PLS1: variants seen among roughly 807,000 people sequenced by gnomAD.
PLS1 encodes the protein plastin 1.
In PLS1, 32 loss-of-function variants were observed where a neutral mutation model predicts 73.7. The ratio of observed to expected loss-of-function variants is 0.43; its 90% CI spans 0.33 to 0.58. The LOEUF (loss-of-function observed/expected upper bound fraction) is 0.58, where lower values mean the gene tolerates loss of function less well. Among genes scored for constraint, PLS1 ranks in the 20% least tolerant of loss-of-function variants. The pLI is 0.04. For missense variants in PLS1, 633 were observed against 740.5 expected (o/e 0.85, Z 1.68); for synonymous variants, 217 against 261.3 (o/e 0.83, Z 1.63).
intron 1 of PLS1, among the ~76,000 whole-genome samples, chr3:142,652,291 TAA>T (rs2037112572): frequency 6.6e-6 from 1 of 152,254 alleles, no homozygotes; most frequent in Non-Finnish European, 1.5e-5. Context: ...TACTGGGGAC[TAA>T]GTCATTCCCT....
intron 1 of PLS1, among the ~76,000 whole-genome samples, chr3:142,661,569 A>G (rs1232769547): frequency 6.6e-6 from 1 of 152,220 alleles, no homozygotes; most frequent in Non-Finnish European, 1.5e-5. Flanking sequence ...TTCAATGATC[A>G]ATGAAATTTC....
chr3:142,695,787 TA>T (rs1691688194), intron 11 of PLS1, among the ~76,000 whole-genome samples: 2 of 145,090 alleles, frequency 1.4e-5, no homozygotes, highest in Admixed American at 1.3e-4. Flanking sequence ...TTTATTTATT[TA>T]TTTATTTATT....
chr3:142,628,343 G>A (rs1160748980), intron 1 of PLS1, among the ~76,000 whole-genome samples: 2 of 30,574 alleles, frequency 6.5e-5, no homozygotes, highest in Non-Finnish European at 1.3e-4. Context: ...GTGTGTGTGC[G>A]CGCACATGTG....
chr3:142,705,104 G>T (rs2038431391), intron 14 of PLS1, among the ~76,000 whole-genome samples: 1 of 151,946 alleles, frequency 6.6e-6, no homozygotes, highest in African/African-American at 2.4e-5. Context: ...CTAAATTTTT[G>T]ATTGGTTGTC....
chr3:142,661,357 AC>A (rs1377188140), intron 1 of PLS1, among the ~76,000 whole-genome samples: 1 of 152,178 alleles, frequency 6.6e-6, no homozygotes, highest in African/African-American at 2.4e-5. Flanking sequence ...TTTTTAAAAA[AC>A]AATGTAGAAT....
At chr3:142,710,644 T>A (rs1433872289) in intron 14 of PLS1, among the ~76,000 whole-genome samples, 1 of 152,144 alleles carries the variant, frequency 6.6e-6, no homozygotes, top group African/African-American at 2.4e-5. Flanking sequence ...GGTATGGATA[T>A]AGAGCAAAAA....
rs1265290317 is a variant in PLS1 at position 142,686,454 on chromosome 3, T to G, written c.981+78T>G. 4 of 878,042 alleles carry G rather than the reference T, an allele frequency of 4.6e-6. No homozygotes were observed. In the Admixed American group the frequency reaches 5.1e-5, roughly 11 times the overall value. 54.4% of individuals were successfully genotyped at this position (878,042 alleles called of 1,614,324 possible). ...AATTTACCATTTTTATCATTTTCAGTGTTCAGTTCAGTGGCATTCAGTACA... is the reference window on the plus strand; with the variant it reads ...AATTTACCATTTTTATCATTTTCAGGGTTCAGTTCAGTGGCATTCAGTACA... On this transcript the variant is annotated intron_variant, in intron 9 of 15. Transcript: ENST00000457734.
At chr3:142,598,406 A>G in intron 1 of PLS1, among the ~76,000 whole-genome samples, 1 of 152,288 alleles carries the variant, frequency 6.6e-6, no homozygotes, top group Middle Eastern at 3.4e-3. Context: ...GGGGAAGGCC[A>G]TGTTAGAGCT....
chr3:142,650,201 GCTT>G (rs1198196892), intron 1 of PLS1, among the ~76,000 whole-genome samples: 4 of 142,934 alleles, frequency 2.8e-5, no homozygotes, highest in East Asian at 2.0e-4. Flanking sequence ...GTTGGTTTTG[GCTT>G]CTTCTTCTTT....
intron 1 of PLS1, among the ~76,000 whole-genome samples, chr3:142,612,721 CAAAAAAA>C (rs2036145580): frequency 7.1e-6 from 1 of 140,104 alleles, no homozygotes; most frequent in Non-Finnish European, 1.5e-5. Context: ...GACCCTGTCT[CAAAAAAA>C]GAAAAAAAAA....
At chr3:142,605,858 T>C (rs752835739) in intron 1 of PLS1, among the ~76,000 whole-genome samples, 2 of 152,228 alleles carry the variant, frequency 1.3e-5, no homozygotes, top group Admixed American at 6.5e-5. Context: ...TTAAAACTTA[T>C]ACTTCCTGCT....
intron 14 of PLS1, among the ~76,000 whole-genome samples, chr3:142,705,828 G>A (rs893464856): frequency 1.3e-5 from 2 of 152,122 alleles, no homozygotes; most frequent in African/African-American, 2.4e-5. Context: ...TGGCAGAGAC[G>A]TTGCCTGAGT....
chr3:142,615,870 C>T (rs2036205693), intron 1 of PLS1, among the ~76,000 whole-genome samples: 1 of 152,214 alleles, frequency 6.6e-6, no homozygotes, highest in African/African-American at 2.4e-5. Flanking sequence ...GGTCCCCAGA[C>T]AAGCAGCATT....
At chr3:142,646,458 T>C (rs2036955153) in intron 1 of PLS1, among the ~76,000 whole-genome samples, 1 of 152,252 alleles carries the variant, frequency 6.6e-6, no homozygotes, top group African/African-American at 2.4e-5. Context: ...AACTTCATCT[T>C]TGCTTCATGC....
intron 1 of PLS1, among the ~76,000 whole-genome samples, chr3:142,661,490 T>C (rs1024648592): frequency 6.6e-6 from 1 of 152,122 alleles, no homozygotes; most frequent in African/African-American, 2.4e-5. Context: ...AACACCAAAA[T>C]TCCTGAATAA....
At chr3:142,620,732 A>G (rs1015216080) in intron 1 of PLS1, among the ~76,000 whole-genome samples, 1 of 152,202 alleles carries the variant, frequency 6.6e-6, no homozygotes, top group Non-Finnish European at 1.5e-5. Context: ...AAACTGCACC[A>G]TACAGGCCAT....
chr3:142,683,977 CAT>C (rs751686776), intron 6 of PLS1, 27 bp from the exon 7 acceptor site: 2 of 1,564,276 alleles, frequency 1.3e-6, no homozygotes, highest in Admixed American at 1.9e-5. Context: ...AGGACTTCCT[CAT>C]GTGTACTTTT....
At chr3:142,610,355 C>T (rs1016555879) in intron 1 of PLS1, among the ~76,000 whole-genome samples, 4 of 152,008 alleles carry the variant, frequency 2.6e-5, no homozygotes, top group African/African-American at 7.2e-5. Context: ...AATAATGCTC[C>T]GTAGGTTGAA....
At chr3:142,703,813 T>C in intron 12 of PLS1, 55 bp from the exon 13 acceptor site, 1 of 1,251,492 alleles carries the variant, frequency 8.0e-7, no homozygotes, top group Non-Finnish European at 1.2e-6. Flanking sequence ...GCTGGCCTAT[T>C]CTGGAGATAT....
Sources: gnomAD v4.1 joint callset for allele counts (sites outside exome capture counted in the v4.1 genomes callset) on GRCh38, gnomAD v4.1.1 for gene constraint, MANE v1.5 for transcripts, NCBI Gene and HGNC (gene_info 2026-07-23, HGNC 2026-07-21) for gene names.